SOCS3: variants seen among roughly 807,000 people sequenced by gnomAD.
SOCS3 encodes the protein STAT-induced STAT inhibitor 3.
A neutral mutation model predicts 11.7 loss-of-function variants in SOCS3; 5 were observed. That is an observed-to-expected ratio of 0.43 (90% CI 0.22 to 0.90). The LOEUF is 0.90. Among genes scored for constraint, SOCS3 ranks in the 40% least tolerant of loss-of-function variants. SOCS3 has a pLI of 0.27. For synonymous variants in SOCS3, 143 were observed against 136.3 expected, an observed-to-expected ratio of 1.05 and a Z score of -0.34; for missense variants, 203 against 302.0, an observed-to-expected ratio of 0.67 and a Z score of 2.43.
upstream of SOCS3, chr17:78,360,343 TC>T: frequency 6.6e-6 from 1 of 150,538 alleles, no homozygotes; most frequent in East Asian, 2.0e-4. The surrounding 1 kb of genome is among the most constrained non-coding windows in gnomAD (Gnocchi z 5.6). Context: ...GGCGGCGCGT[TC>T]CTGGCAGCGG....
chr17:78,359,599 A>T (rs2081595770), intron 1 of SOCS3, among the ~76,000 whole-genome samples, 151 bp downstream of exon 1: 1 of 152,022 alleles, frequency 6.6e-6, no homozygotes, highest in South Asian at 2.1e-4. Context: ...CAGCCGGAGT[A>T]TTCCGGGAAC....
At chr17:78,360,330 C>T (rs895260060), upstream of SOCS3, 1 of 150,778 alleles carries the variant, frequency 6.6e-6, no homozygotes, top group African/African-American at 2.4e-5. This position sits in a 1 kb window ranked among gnomAD's most constrained non-coding sequence, Gnocchi z 5.6. Flanking sequence ...CGGCGCCAGC[C>T]CCGGCGGCGC....
rs372139426 is a variant in SOCS3 at position 78,359,408 on chromosome 17, C to A, written c.-88-225G>T. Among the ~76,000 whole-genome samples the A allele has an allele frequency of 7.2e-4, 109 of 152,228 alleles. 2 individuals carry two copies. In the East Asian group the frequency reaches 0.02, roughly 27 times the overall value. ...CCTTCCCAGGCGCGCACTGCAAGGG[C>A]GCAGCGTGGGAAACTCGCGCGCGGA... On this transcript the variant is annotated intron_variant, in intron 1 of 1. Coordinates refer to ENST00000330871, the MANE Select transcript of SOCS3 (RefSeq NM_003955.5).
Position 78,358,253 on chromosome 17 carries a change from C to A in SOCS3, c.*165G>T. 6.1e-6 allele frequency: 4 copies of A among 657,316 alleles called. No homozygotes were observed. Among genetic ancestry groups the A allele is most frequent in the South Asian group, 3.8e-5 (2 of 52,672 alleles). The allele number at this position is 657,316 out of a possible 1,614,324, so 40.7% of individuals were successfully genotyped here. A position where few individuals can be genotyped will look rare whatever the true frequency, so the allele number is the denominator to read the frequency against. ...CTCCAACACATTCCAGGTCCGCCTG[C>A]CACATTCTGCAGGGAGAGGGCAGAG... On this transcript the variant is annotated 3_prime_UTR_variant, in exon 2 of 2. Coordinates refer to ENST00000330871, the MANE Select transcript of SOCS3 (RefSeq NM_003955.5). The surrounding 1 kb of genome is among the most constrained non-coding windows in gnomAD (Gnocchi z 4.7).
chr17:78,357,025 A>G lies in SOCS3; in HGVS notation c.*1393T>C, dbSNP rs2081572537. 6.6e-6 allele frequency: 1 copy of G among 151,004 alleles called. No homozygotes were observed. The allele number at this position is 151,004 out of a possible 1,614,324, so 9.4% of individuals were successfully genotyped here. On this transcript the variant is annotated 3_prime_UTR_variant, in exon 2 of 2. Transcript: ENST00000330871. This position sits in a 1 kb window ranked among gnomAD's most constrained non-coding sequence, Gnocchi z 7.0. ...AAAAACAAGAAACAAACAAAAAAAT[A>G]GAGAAAAAAACCACCCCAACACACA...
rs1420328382 is a variant in SOCS3 at position 78,357,927 on chromosome 17, G to C, written c.*491C>G. 1 of 160,920 alleles carries C rather than the reference G, an allele frequency of 6.2e-6. No homozygotes were observed. Among genetic ancestry groups the C allele is most frequent in the Non-Finnish European group, 1.4e-5 (1 of 73,022 alleles). The allele number at this position is 160,920 out of a possible 1,614,324, so 10.0% of individuals were successfully genotyped here. A position where few individuals can be genotyped will look rare whatever the true frequency, so the allele number is the denominator to read the frequency against. ...TCCTCGCCTGGGGTGGGCGGGGGGT[G>C]TGACCATTTCCTTCGCCAGCCCGCA... On this transcript the variant is annotated 3_prime_UTR_variant, in exon 2 of 2. Transcript: ENST00000330871. This position sits in a 1 kb window ranked among gnomAD's most constrained non-coding sequence, Gnocchi z 7.0.
chr17:78,359,184 C>A lies in SOCS3; in HGVS notation c.-88-1G>T, dbSNP rs1277589690. On this transcript the variant is annotated splice_acceptor_variant, in intron 1 of 1. Transcript: ENST00000330871. LOFTEE classifies it low-confidence loss of function (5UTR_SPLICE). ...GCGGCCGCTACCGCATCCCGGGGGG[C>A]TGCGGAGAGGAAGGCGCGAGCGCGT... The A allele has an allele frequency of 7.3e-7, 1 of 1,370,602 alleles. No homozygotes were observed. The highest frequency in any genetic ancestry group is 9.7e-7 in the Non-Finnish European group (1 of 1,026,082). The allele number at this position is 1,370,602 out of a possible 1,614,324, so 84.9% of individuals were successfully genotyped here.
At position 78,360,021 on chromosome 17, in the gene SOCS3, C is replaced by G; in HGVS notation, c.-360G>C. ...GCTGGGCCGGGCGGGCGGCTGGCGG[C>G]TGGCTGCGTGCGGGGCCGAAGCGGC... is the stretch of plus-strand genomic sequence containing the variant. On this transcript the variant is annotated 5_prime_UTR_variant, in exon 1 of 2. Transcript: ENST00000330871. This position sits in a 1 kb window ranked among gnomAD's most constrained non-coding sequence, Gnocchi z 5.6. 5.0e-6 allele frequency: 1 copy of G among 200,506 alleles called. No homozygotes were observed. The highest frequency in any genetic ancestry group is 2.4e-5 in the African/African-American group (1 of 42,006). 12.4% of individuals were successfully genotyped at this position (200,506 alleles called of 1,614,324 possible). A position where few individuals can be genotyped will look rare whatever the true frequency, so the allele number is the denominator to read the frequency against.
chr17:78,358,598 G>T lies in SOCS3; in HGVS notation c.498C>A (p.Tyr166Ter). 6.2e-7 allele frequency: 1 copy of T among 1,612,602 alleles called. No homozygotes were observed. The highest frequency in any genetic ancestry group is 8.5e-7 in the Non-Finnish European group (1 of 1,179,658). The stretch of plus-strand genomic sequence containing the variant: ...GGATCTTCTCGCCCCCGGAGTAGAT[G>T]TAATAGGCTCTTCTGGGGGGACTCC... ...LPGSPPRRAY[Y>*]IYSGGEKIPL... The change falls in exon 2 of 2, where the codon TAC becomes TAA. Residue 166 changes from tyrosine (Y) to a stop codon, truncating the protein, a stop_gained. Coordinates refer to ENST00000330871, the MANE Select transcript of SOCS3 (RefSeq NM_003955.5). LOFTEE classifies it high-confidence loss of function. The surrounding 1 kb of genome is among the most constrained non-coding windows in gnomAD (Gnocchi z 4.7).
At position 78,358,408 on chromosome 17, in the gene SOCS3, C is replaced by T. The variant is rs766176601; in HGVS notation, c.*10G>A. 5 of 1,613,396 alleles carry T rather than the reference C, an allele frequency of 3.1e-6. No homozygotes were observed. Among genetic ancestry groups the T allele is most frequent in the Middle Eastern group, 1.6e-4 (1 of 6,062 alleles). On this transcript the variant is annotated 3_prime_UTR_variant, in exon 2 of 2. Coordinates refer to ENST00000330871, the MANE Select transcript of SOCS3 (RefSeq NM_003955.5). The surrounding 1 kb of genome is among the most constrained non-coding windows in gnomAD (Gnocchi z 4.7). ...CTCTCCCGACCCATGCCCTTTGCGC[C>T]CTTTACCCCTTAAAGCGGGGCATCG...
chr17:78,359,454 G>A (rs1413475506), intron 1 of SOCS3, among the ~76,000 whole-genome samples: 2 of 152,164 alleles, frequency 1.3e-5, no homozygotes, highest in African/African-American at 2.4e-5. Flanking sequence ...CCAGGAGTGT[G>A]GCCGGGTGGG....
rs1308960991 is a variant in SOCS3, at chr17:78,359,203, A to T, written c.-88-20T>A. The T allele has an allele frequency of 1.4e-5, 18 of 1,244,162 alleles. No individual in the cohort carries two copies. The highest frequency in any genetic ancestry group is 2.0e-5 in the Non-Finnish European group (18 of 922,200). 77.1% of individuals were successfully genotyped at this position (1,244,162 alleles called of 1,614,324 possible). On this transcript the variant is annotated intron_variant, in intron 1 of 1. Transcript: ENST00000330871. ...GGGGGGCTGCGGAGAGGAAGGCGCG[A>T]GCGCGTTGAGTGCCCGGAACCCTCC...
Position 78,359,097 on chromosome 17 carries a change from G to A in SOCS3, c.-2C>T. 1 of 1,554,690 alleles carries A rather than the reference G, an allele frequency of 6.4e-7. No homozygotes were observed. Among genetic ancestry groups the A allele is most frequent in the Non-Finnish European group, 8.7e-7 (1 of 1,149,950 alleles). On this transcript the variant is annotated 5_prime_UTR_variant, in exon 2 of 2. Coordinates refer to ENST00000330871, the MANE Select transcript of SOCS3 (RefSeq NM_003955.5). ...GGGAAACTTGCTGTGGGTGACCATG[G>A]CGCACGGAGCCAGCGTGGATCTGCG...
At chr17:78,359,329 C>T (rs1392599407) in intron 1 of SOCS3, 146 bp from the exon 2 acceptor site, 2 of 401,850 alleles carry the variant, frequency 5.0e-6, no homozygotes, top group Non-Finnish European at 8.7e-6. Context: ...ATCCAGGCGC[C>T]TCACGGAGCC....
rs1173256864 is a variant in SOCS3 at position 78,359,254 on chromosome 17, C to T, written c.-88-71G>A. ...AGCGCGCCCGGCCCGCCCCGGCTCC[C>T]CTGCCTTCGCCGAGCGACTGGGGCA... On this transcript the variant is annotated intron_variant, in intron 1 of 1. Coordinates refer to ENST00000330871, the MANE Select transcript of SOCS3 (RefSeq NM_003955.5). The T allele has an allele frequency of 3.1e-5, 21 of 682,340 alleles. No homozygotes were observed. In the East Asian group the frequency reaches 5.7e-4, roughly 19 times the overall value. 42.3% of individuals were successfully genotyped at this position (682,340 alleles called of 1,614,324 possible). A position where few individuals can be genotyped will look rare whatever the true frequency, so the allele number is the denominator to read the frequency against.
chr17:78,358,329 G>T lies in SOCS3; in HGVS notation c.*89C>A. ...CCCCAGAGCTACAGGACTCTCTCCTGGTTGGCTTCTTGTGCTTGTGCCATG... is the reference window on the plus strand; with the variant it reads ...CCCCAGAGCTACAGGACTCTCTCCTTGTTGGCTTCTTGTGCTTGTGCCATG... On this transcript the variant is annotated 3_prime_UTR_variant, in exon 2 of 2. Coordinates refer to ENST00000330871, the MANE Select transcript of SOCS3 (RefSeq NM_003955.5). This position sits in a 1 kb window ranked among gnomAD's most constrained non-coding sequence, Gnocchi z 4.7. 7.8e-7 allele frequency: 1 copy of T among 1,274,260 alleles called. No homozygotes were observed. The highest frequency in any genetic ancestry group is 1.8e-5 in the Admixed American group (1 of 55,308). The allele number at this position is 1,274,260 out of a possible 1,614,324, so 78.9% of individuals were successfully genotyped here.
At position 78,358,692 on chromosome 17, in the gene SOCS3, G is replaced by A. The variant is rs2081587303; in HGVS notation, c.404C>T (p.Ser135Phe). ...HHYMPPPGAP[S>F]FPSPPTEPSS... Reference sequence around the variant, plus strand: ...GGGTTCAGTAGGTGGCGAGGGGAAGGAGGGGGCTCCAGGGGGCGGCATGTA... The same window carrying A: ...GGGTTCAGTAGGTGGCGAGGGGAAGAAGGGGGCTCCAGGGGGCGGCATGTA... The change falls in exon 2 of 2, where the codon TCC (serine) becomes TTC (phenylalanine). Residue 135 changes from serine to phenylalanine, a missense_variant. This residue lies in a region of SOCS3 where 141 missense variants were observed against 200.5 expected (regional missense o/e 0.70). Transcript: ENST00000330871. This position sits in a 1 kb window ranked among gnomAD's most constrained non-coding sequence, Gnocchi z 4.7. 19 of 1,608,770 alleles carry A rather than the reference G, an allele frequency of 1.2e-5. No homozygotes were observed. The highest frequency in any genetic ancestry group is 1.5e-5 in the Non-Finnish European group (18 of 1,176,656).
In SOCS3 at chr17:78,358,556, C is replaced by T. The variant is rs750486145; in HGVS notation, c.540G>A (p.Arg180=). 1 of 1,613,358 alleles carries T rather than the reference C, an allele frequency of 6.2e-7. No homozygotes were observed. Among genetic ancestry groups the T allele is most frequent in the Non-Finnish European group, 8.5e-7 (1 of 1,179,944 alleles). ...GAGTGGCCACGTTGGAGGAGAGGGG[C>T]CGGCTCAACACCAGGGGGATCTTCT... ...GGEKIPLVLS[R]PLSSNVATLQ... Residue 180 remains arginine, a synonymous_variant, in exon 2 of 2, where the codon CGG becomes CGA. Coordinates refer to ENST00000330871, the MANE Select transcript of SOCS3 (RefSeq NM_003955.5). This position sits in a 1 kb window ranked among gnomAD's most constrained non-coding sequence, Gnocchi z 4.7.
chr17:78,358,430 A>G lies in SOCS3; in HGVS notation c.666T>C (p.Asp222=), dbSNP rs754240234. The G allele has an allele frequency of 6.2e-6, 10 of 1,613,480 alleles. No individual in the cohort carries two copies. Among genetic ancestry groups the G allele is most frequent in the Non-Finnish European group, 8.5e-6 (10 of 1,179,974 alleles). ...CGCCCTTTACCCCTTAAAGCGGGGC[A>G]TCGTACTGGTCCAGGAACTCCCGAA... The part of the protein sequence containing the change: ...GPIREFLDQY[D]APL The change falls in exon 2 of 2, where the codon GAT becomes GAC. Residue 222 remains aspartate (D), a synonymous_variant. Coordinates refer to ENST00000330871, the MANE Select transcript of SOCS3 (RefSeq NM_003955.5). The surrounding 1 kb of genome is among the most constrained non-coding windows in gnomAD (Gnocchi z 4.7).
Sources: allele counts gnomAD v4.1 joint callset (sites outside exome capture counted in the v4.1 genomes callset), GRCh38; gene constraint gnomAD v4.1.1; regional missense constraint gnomAD v4.1.1; non-coding constraint Gnocchi (gnomAD v3.1); transcripts MANE v1.5; gene names NCBI Gene and HGNC (gene_info 2026-07-23, HGNC 2026-07-21).